JAG2: variants seen among roughly 807,000 people sequenced by gnomAD.
JAG2 encodes the protein protein jagged-2.
A neutral mutation model predicts 141.7 loss-of-function variants in JAG2; 46 were observed. The observed-to-expected ratio is 0.32, with a 90% CI of 0.26 to 0.42. JAG2 has a LOEUF of 0.42. JAG2 is among the 10% of genes least tolerant of loss of function. The probability of loss-of-function intolerance (pLI) is 1.00; values close to 1 mark genes in which losing one functional copy is unlikely to be tolerated. For synonymous variants in JAG2, 862 were observed against 763.5 expected (o/e 1.13, Z -2.13); for missense variants, 1,500 against 1,817.5 (o/e 0.83, Z 3.18).
chr14:105,164,142 A>C (rs1323944693), intron 2 of JAG2, among the ~76,000 whole-genome samples: 2 of 131,476 alleles, frequency 1.5e-5, no homozygotes, highest in African/African-American at 2.8e-5. Context: ...TGCGGCTTTG[A>C]CCCTTCAGCC....
chr14:105,142,670 G>C lies in JAG2; in HGVS notation c.*25C>G. 2 of 1,560,368 alleles carry C rather than the reference G, an allele frequency of 1.3e-6. No homozygotes were observed. Among genetic ancestry groups the C allele is most frequent in the Middle Eastern group, 1.7e-4 (1 of 6,000 alleles). On this transcript the variant is annotated 3_prime_UTR_variant, in exon 26 of 26. Transcript: ENST00000331782. ...GCATGGCTCCCACCGAGGGCCCTGG[G>C]TCCCGGCCCAGCTGGCAGCCGCCCC...
intron 24 of JAG2, among the ~76,000 whole-genome samples, chr14:105,144,235 CG>C (rs913979046): frequency 6.6e-6 from 1 of 151,904 alleles, no homozygotes; most frequent in Non-Finnish European, 1.5e-5. Context: ...CACAGCAACC[CG>C]GGGCTGTGCC....
intron 8 of JAG2, 47 bp downstream of exon 8, chr14:105,151,579 C>G: frequency 6.7e-7 from 1 of 1,488,092 alleles, no homozygotes; most frequent in Non-Finnish European, 9.2e-7. Context: ...CTCCCAGACC[C>G]CCACTGATAC....
intron 2 of JAG2, among the ~76,000 whole-genome samples, chr14:105,162,073 G>T (rs995383674): frequency 6.6e-6 from 1 of 152,178 alleles, no homozygotes; most frequent in African/African-American, 2.4e-5. Flanking sequence ...GCTGGCAGGG[G>T]CAATAGGCGA....
At position 105,165,829 on chromosome 14, in the gene JAG2, C is replaced by T. The variant is rs764734172; in HGVS notation, c.417+1928G>A. ...TAGCCTCCAGGCTGAAACCCCTCCT[C>T]AGGTCCCAGGGAGCCTGAACTCGGT... On this transcript the variant is annotated intron_variant, in intron 2 of 25. Transcript: ENST00000331782. Among the ~76,000 whole-genome samples the T allele has an allele frequency of 2.6e-4, 40 of 152,266 alleles. 1 individual carries two copies. Among genetic ancestry groups the T allele is most frequent in the Non-Finnish European group, 5.3e-4 (36 of 68,044 alleles).
intron 12 of JAG2, 63 bp from the exon 13 acceptor site, chr14:105,149,383 G>A (rs1339941496): frequency 3.7e-6 from 6 of 1,604,060 alleles, no homozygotes; most frequent in Non-Finnish European, 5.1e-6. Context: ...CACAGGCCAG[G>A]CCTCTGTCCA....
Position 105,159,218 on chromosome 14 carries a change from T to G in JAG2, c.418-1455A>C, listed in dbSNP as rs376367481. ...GCTGACCCTGGGCCTCACTCACAGC[T>G]GGGCAACCCCGGCCCCGCCCCCGAG... is the stretch of plus-strand genomic sequence containing the variant. On this transcript the variant is annotated intron_variant, in intron 2 of 25. Coordinates refer to ENST00000331782, the MANE Select transcript of JAG2 (RefSeq NM_002226.5). 2.7e-5 allele frequency among the ~76,000 whole-genome samples: 4 copies of G among 150,444 alleles called. No homozygotes were observed. In the South Asian group the frequency reaches 8.6e-4, roughly 32 times the overall value.
chr14:105,155,550 C>T lies in JAG2; in HGVS notation c.788+12G>A, dbSNP rs762707607. The T allele has an allele frequency of 1.6e-5, 25 of 1,612,670 alleles. No homozygotes were observed. The highest frequency in any genetic ancestry group is 5.3e-5 in the African/African-American group (4 of 75,056). ...GGTTGGGAGGGCAAAGACGGGCCGG[C>T]GGCACACTCACCTGCACTCCCCAGG... On this transcript the variant is annotated intron_variant, in intron 5 of 25. Transcript: ENST00000331782.
Position 105,144,932 on chromosome 14 carries a change from C to G in JAG2, c.3082G>C (p.Val1028Leu). The change falls in exon 24 of 26, where the codon GTG becomes CTG. Residue 1028 changes from valine to leucine, a missense_variant and splice_region_variant. By Grantham distance (32) the Val-to-Leu change is conservative. Coordinates refer to ENST00000331782, the MANE Select transcript of JAG2 (RefSeq NM_002226.5). The stretch of plus-strand genomic sequence containing the variant: ...GCTGCTCCCCACTGGGCACTCACCA[C>G]GGCCACCTCCACAGCACTGGCCCCC... ...SSGASAVEVA[V>L]SFSPARDLPD... is the part of the protein sequence containing the mutation. 1 of 1,598,820 alleles carries G rather than the reference C, an allele frequency of 6.3e-7. No homozygotes were observed. The highest frequency in any genetic ancestry group is 8.5e-7 in the Non-Finnish European group (1 of 1,176,378).
At position 105,147,892 on chromosome 14, in the gene JAG2, TA is replaced by T; in HGVS notation, c.2249-5del. ...GGCAGGCAGCTGCTGTTCTTGGCTGTAAGGAGAGGAGGAGGAGGGAGCGTCT... is the reference window on the plus strand; with the variant it reads ...GGCAGGCAGCTGCTGTTCTTGGCTGTAGGAGAGGAGGAGGAGGGAGCGTCT... On this transcript the variant is annotated splice_polypyrimidine_tract_variant and splice_region_variant and intron_variant, in intron 17 of 25. Transcript: ENST00000331782. 1 of 1,548,068 alleles carries T rather than the reference TA, an allele frequency of 6.5e-7. No individual in the cohort carries two copies. The highest frequency in any genetic ancestry group is 8.7e-7 in the Non-Finnish European group (1 of 1,145,930).
chr14:105,156,556 TTAAG>T (rs1350187971), intron 3 of JAG2, among the ~76,000 whole-genome samples: 2 of 151,942 alleles, frequency 1.3e-5, no homozygotes, highest in African/African-American at 2.4e-5. Context: ...AAGCCTCACT[TTAAG>T]TAAGCCACCA....
At chr14:105,151,190 G>A (rs1212513978) in intron 9 of JAG2, 86 bp from the exon 10 acceptor site, 42 of 1,436,392 alleles carry the variant, frequency 2.9e-5, no homozygotes, top group Non-Finnish European at 3.9e-5. Flanking sequence ...CAGCCCAGCA[G>A]CCCCAGCAGC....
chr14:105,144,813 C>T (rs1395169308), intron 24 of JAG2, 117 bp downstream of exon 24: 50 of 1,342,902 alleles, frequency 3.7e-5, no homozygotes, highest in Non-Finnish European at 4.9e-5. Context: ...GACAGGCCTG[C>T]CCGCAGTCCT....
Position 105,157,773 on chromosome 14 carries a change from T to C in JAG2, c.418-10A>G, listed in dbSNP as rs1888623379. 1 of 1,572,138 alleles carries C rather than the reference T, an allele frequency of 6.4e-7. No individual in the cohort carries two copies. The highest frequency in any genetic ancestry group is 1.2e-5 in the South Asian group (1 of 85,512). On this transcript the variant is annotated splice_polypyrimidine_tract_variant and intron_variant, in intron 2 of 25. Transcript: ENST00000331782. ...TGAGGGTAAAGGAGCGCTGCAGACA[T>C]GGGGAGGCGGGTCAGGTACCTGAGG...
rs927194853 is a variant in JAG2 at position 105,164,833 on chromosome 14, C to T, written c.417+2924G>A. ...CTTCGTGAGACCTGCAATGAAAAAG[C>T]GGCAGTGTGCCCCTTTCACAGGTGA... On this transcript the variant is annotated intron_variant, in intron 2 of 25. Transcript: ENST00000331782. 7.9e-5 allele frequency among the ~76,000 whole-genome samples: 12 copies of T among 152,284 alleles called. No individual in the cohort carries two copies. The Middle Eastern group carries it at 0.014, about 173-fold the overall frequency.
intron 2 of JAG2, among the ~76,000 whole-genome samples, chr14:105,161,456 G>A (rs948313348): frequency 2.0e-5 from 3 of 152,156 alleles, no homozygotes; most frequent in African/African-American, 7.2e-5. Flanking sequence ...CGACTCCCAG[G>A]AAACCTCATG....
rs141556061 is a variant in JAG2 at position 105,146,220 on chromosome 14, C to T, written c.2709+165G>A. On this transcript the variant is annotated intron_variant, in intron 22 of 25. Transcript: ENST00000331782. Reference sequence around the variant, plus strand: ...CAGGCCTGTTTTCCCAACTGCACATCGAAGCATGGGGCCTGGCTGAGCTCT... The same window carrying T: ...CAGGCCTGTTTTCCCAACTGCACATTGAAGCATGGGGCCTGGCTGAGCTCT... Among the ~76,000 whole-genome samples the T allele has an allele frequency of 5.6e-4, 85 of 152,298 alleles. 1 individual carries two copies. Among genetic ancestry groups the T allele is most frequent in the Middle Eastern group, 3.4e-3 (1 of 294 alleles).
At chr14:105,164,607 G>A (rs1888855980) in intron 2 of JAG2, among the ~76,000 whole-genome samples, 1 of 152,228 alleles carries the variant, frequency 6.6e-6, no homozygotes, top group African/African-American at 2.4e-5. Flanking sequence ...AGCTTAGGTA[G>A]CTCCAGGCAC....
In JAG2 at chr14:105,143,507, C is replaced by A; in HGVS notation, c.3216G>T (p.Thr1072=). The A allele has an allele frequency of 6.4e-7, 1 of 1,569,712 alleles. No homozygotes were observed. Among genetic ancestry groups the A allele is most frequent in the Non-Finnish European group, 8.6e-7 (1 of 1,159,630 alleles). ...LLAVTEVKVE[T]VVTGGSSTGL... is the part of the protein sequence containing the mutation. ...CTGTGGAAGAGCCGCCCGTAACAAC[C>A]GTCTCCACCTTGACCTCGGTGACAG... Residue 1072 remains threonine, a synonymous_variant, in exon 25 of 26, where the codon ACG becomes ACT. Transcript: ENST00000331782.
Sources: gnomAD v4.1 joint callset for allele counts (sites outside exome capture counted in the v4.1 genomes callset) on GRCh38, gnomAD v4.1.1 for gene constraint, MANE v1.5 for transcripts, NCBI Gene and HGNC (gene_info 2026-07-23, HGNC 2026-07-21) for gene names.